NPHP1: variants seen among roughly 807,000 people sequenced by gnomAD.
NPHP1 encodes nephrocystin-1.
A neutral mutation model predicts 90.4 loss-of-function variants in NPHP1; 70 were observed. The ratio of observed to expected loss-of-function variants is 0.77; its 90% CI spans 0.64 to 0.95. NPHP1 has a LOEUF of 0.95. Among genes scored for constraint, NPHP1 ranks in the 40% least tolerant of loss-of-function variants. NPHP1 has a pLI of 0.00. For synonymous variants in NPHP1, 256 were observed against 271.7 expected (o/e 0.94, Z 0.57); for missense variants, 764 against 795.9 (o/e 0.96, Z 0.48).
chr2:110,161,498 TTTTG>T, intron 10 of NPHP1, 101 bp downstream of exon 10: 1 of 736,874 alleles, frequency 1.4e-6, no homozygotes, highest in Non-Finnish European at 2.3e-6. Flanking sequence ...TAAACAATTT[TTTTG>T]TTTTTTATAA....
chr2:110,156,805 T>C (rs1390814742), intron 11 of NPHP1, among the ~76,000 whole-genome samples: 1 of 146,158 alleles, frequency 6.8e-6, no homozygotes, highest in Non-Finnish European at 1.5e-5. Context: ...TGAGACAGAG[T>C]TTCTCTCTGT....
chr2:110,140,201 C>T, intron 16 of NPHP1, among the ~76,000 whole-genome samples: 1 of 152,050 alleles, frequency 6.6e-6, no homozygotes, highest in Non-Finnish European at 1.5e-5. Flanking sequence ...AATTTCAAGC[C>T]AGCACTCAAG....
rs545162448 is a variant in NPHP1 at position 110,132,421 on chromosome 2, G to A, written c.1530-630C>T. Among the ~76,000 whole-genome samples, 3 of 152,264 alleles carry A rather than the reference G, an allele frequency of 2.0e-5. No homozygotes were observed. The South Asian group carries it at 6.2e-4, about 32-fold the overall frequency. On this transcript the variant is annotated intron_variant, in intron 16 of 19. Transcript: ENST00000445609. ...TGTAATCCTAACACTTTGGGAGGCC[G>A]AGACAGGTGAATCACTTGAGGTCAG...
In NPHP1 at chr2:110,190,026, C is replaced by T. The variant is rs553305441; in HGVS notation, c.144-10342G>A. Among the ~76,000 whole-genome samples the T allele has an allele frequency of 2.1e-3, 326 of 152,312 alleles. 4 individuals carry two copies. The highest frequency in any genetic ancestry group is 3.4e-3 in the Non-Finnish European group (228 of 68,022). ...GAGTGTCAATTGGTGCATTCACAAA[C>T]ACTGAGCTAGACACAGGGGGCTGAT... On this transcript the variant is annotated intron_variant, in intron 2 of 19. Coordinates refer to ENST00000445609, the MANE Select transcript of NPHP1 (RefSeq NM_001128178.3).
intron 6 of NPHP1, 120 bp from the exon 7 acceptor site, chr2:110,165,275 C>CA (rs1682649150): frequency 9.2e-6 from 7 of 763,234 alleles, no homozygotes; most frequent in East Asian, 5.3e-5. Context: ...TGTTTAAAAA[C>CA]AAAAAAACAA....
chr2:110,204,883 G>A lies in NPHP1; in HGVS notation c.69+17C>T. 1 of 1,613,394 alleles carries A rather than the reference G, an allele frequency of 6.2e-7. No homozygotes were observed. ...CCTGTCGCCCGCCCCAGGGCCCTCT[G>A]CACAGCCTGACCATACCTGTTGCTT... On this transcript the variant is annotated intron_variant, in intron 1 of 19. Transcript: ENST00000445609.
rs187841518 is a variant in NPHP1 at position 110,195,578 on chromosome 2, C to A, written c.143+5843G>T. Among the ~76,000 whole-genome samples the A allele has an allele frequency of 8.7e-3, 1,327 of 152,226 alleles. 20 individuals carry two copies. The highest frequency in any genetic ancestry group is 0.052 in the South Asian group (250 of 4,818). Reference sequence around the variant, plus strand: ...CAATATCGTGAAAATGACCATACTGCCCAAGGTAATTTATAGATTCAATGC... The same window carrying A: ...CAATATCGTGAAAATGACCATACTGACCAAGGTAATTTATAGATTCAATGC... On this transcript the variant is annotated intron_variant, in intron 2 of 19. Coordinates refer to ENST00000445609, the MANE Select transcript of NPHP1 (RefSeq NM_001128178.3).
At chr2:110,174,637 A>G (rs888736354) in intron 4 of NPHP1, among the ~76,000 whole-genome samples, 2 of 152,082 alleles carry the variant, frequency 1.3e-5, no homozygotes, top group Non-Finnish European at 2.9e-5. Context: ...ATTAATACTC[A>G]CAGTGCTTTT....
intron 14 of NPHP1, among the ~76,000 whole-genome samples, chr2:110,145,720 T>C (rs1680991758): frequency 6.6e-6 from 1 of 152,184 alleles, no homozygotes; most frequent in African/African-American, 2.4e-5. Context: ...TTTAAAAAAA[T>C]AGCTGTGACT....
In NPHP1 at chr2:110,123,943, G is replaced by T. The variant is rs141686332; in HGVS notation, c.1882C>A (p.Arg628=). 1.1e-5 allele frequency: 17 copies of T among 1,613,990 alleles called. No individual in the cohort carries two copies. The highest frequency in any genetic ancestry group is 1.4e-5 in the Non-Finnish European group (16 of 1,179,996). The change falls in exon 20 of 20, where the codon CGG becomes AGG. Residue 628 remains arginine (R), a synonymous_variant. Transcript: ENST00000445609. ...AGGAAGTCAGTGATAACTTTCCACC[G>T]TGCAGTCTCAGTCTCTTCTTCTGCC... ...RWAEEETETA[R]WKVITDFLKQ...
chr2:110,142,465 AC>A (rs1328511514), intron 16 of NPHP1, among the ~76,000 whole-genome samples: 1 of 148,398 alleles, frequency 6.7e-6, no homozygotes, highest in Admixed American at 6.8e-5. Context: ...CAATCCTCCC[AC>A]CTAAGCCTCC....
intron 16 of NPHP1, among the ~76,000 whole-genome samples, chr2:110,135,297 G>A (rs1330044729): frequency 6.6e-6 from 1 of 151,588 alleles, no homozygotes. Context: ...CTAACACGGT[G>A]AAACCCCGTT....
chr2:110,123,808 T>C lies in NPHP1; in HGVS notation c.2017A>G (p.Arg673Gly), dbSNP rs1679144907. The change falls in exon 20 of 20, where the codon AGA becomes GGA. Residue 673 changes from arginine to glycine, a missense_variant. Transcript: ENST00000445609. ...TGCCACTGTCACACTGCATTCTTTC[T>C]CATTTCACCCAAGAAGTCATAGGTC... ...EQTYDFLGEM[R>G]KNAV The C allele has an allele frequency of 3.7e-6, 6 of 1,614,108 alleles. No individual in the cohort carries two copies. The highest frequency in any genetic ancestry group is 5.1e-6 in the Non-Finnish European group (6 of 1,179,996).
At chr2:110,187,347 C>T (rs766096208) in intron 2 of NPHP1, among the ~76,000 whole-genome samples, 4 of 151,942 alleles carry the variant, frequency 2.6e-5, no homozygotes, top group Non-Finnish European at 5.9e-5. Context: ...CACCACTGAC[C>T]CCACAGAAAT....
At chr2:110,132,293 G>C (rs1411745283) in intron 16 of NPHP1, among the ~76,000 whole-genome samples, 2 of 152,110 alleles carry the variant, frequency 1.3e-5, no homozygotes, top group Non-Finnish European at 2.9e-5. Context: ...CTTGTGCTTT[G>C]GTTTCCTCAT....
At chr2:110,190,364 C>T (rs6711385) in intron 2 of NPHP1, among the ~76,000 whole-genome samples, 21,143 of 152,156 alleles carry the variant, frequency 0.14, 3,112 homozygotes, top group African/African-American at 0.38. Flanking sequence ...CTGAAGGTCC[C>T]GAGCCCTGCC....
intron 6 of NPHP1, among the ~76,000 whole-genome samples, chr2:110,165,831 A>G (rs1259799257): frequency 2.6e-5 from 4 of 152,182 alleles, no homozygotes; most frequent in Non-Finnish European, 5.9e-5. Context: ...CATAAAAATG[A>G]TAAGCACTCA....
intron 11 of NPHP1, among the ~76,000 whole-genome samples, chr2:110,156,886 C>T (rs563886034): frequency 6.6e-6 from 1 of 151,554 alleles, no homozygotes; most frequent in African/African-American, 2.4e-5. Flanking sequence ...AAGTGATTCT[C>T]CTGCCTCAGC....
At chr2:110,180,378 G>A (rs184245609) in intron 2 of NPHP1, among the ~76,000 whole-genome samples, 1 of 148,200 alleles carries the variant, frequency 6.7e-6, no homozygotes, top group Non-Finnish European at 1.5e-5. Flanking sequence ...AGCTCATGAT[G>A]AGATTTTTTT....
Sources: gnomAD v4.1 joint callset for allele counts (sites outside exome capture counted in the v4.1 genomes callset) on GRCh38, gnomAD v4.1.1 for gene constraint, MANE v1.5 for transcripts, NCBI Gene and HGNC (gene_info 2026-07-23, HGNC 2026-07-21) for gene names.